Variants in STXBP4 observed in about 807,000 individuals in gnomAD.
STXBP4 encodes syntaxin-binding protein 4.
Under a neutral mutation model 76.1 loss-of-function variants are expected in STXBP4, and 55 were observed. That is an observed-to-expected ratio of 0.72 (90% CI 0.58 to 0.91). The LOEUF is 0.91. Among genes scored for constraint, STXBP4 ranks in the 40% least tolerant of loss-of-function variants. STXBP4 has a pLI of 0.00. For synonymous variants in STXBP4, 201 were observed against 220.2 expected, an observed-to-expected ratio of 0.91 and a Z score of 0.77; for missense variants, 618 against 636.9, an observed-to-expected ratio of 0.97 and a Z score of 0.32.
At chr17:54,998,330 A>G (rs1268066630) in intron 4 of STXBP4, among the ~76,000 whole-genome samples, 2 of 152,232 alleles carry the variant, frequency 1.3e-5, no homozygotes, top group African/African-American at 4.8e-5. Flanking sequence ...AGTTATAAAA[A>G]TAATGGTTTC....
At chr17:54,985,322 G>A (rs2077611379) in intron 1 of STXBP4, among the ~76,000 whole-genome samples, 1 of 152,048 alleles carries the variant, frequency 6.6e-6, no homozygotes, top group Non-Finnish European at 1.5e-5. Context: ...TTCTAGTTAG[G>A]AGAAGAAAAA....
chr17:55,203,413 T>TA, the STXBP4 span, among the ~76,000 whole-genome samples: 4 of 151,982 alleles, frequency 2.6e-5, no homozygotes, highest in Non-Finnish European at 4.4e-5. Flanking sequence ...GATGTCATTT[T>TA]AAAAAAACGA....
chr17:55,179,810 G>A, the STXBP4 span, among the ~76,000 whole-genome samples: 1 of 152,222 alleles, frequency 6.6e-6, no homozygotes, highest in East Asian at 1.9e-4. Context: ...TACAAAATAT[G>A]TGTTAATCAA....
chr17:55,196,547 C>A, the STXBP4 span, among the ~76,000 whole-genome samples: 1 of 152,122 alleles, frequency 6.6e-6, no homozygotes, highest in East Asian at 1.9e-4. Context: ...GAGAATTGAT[C>A]ACGTATTCTT....
the STXBP4 span, among the ~76,000 whole-genome samples, chr17:55,206,034 A>T: frequency 6.6e-6 from 1 of 152,116 alleles, no homozygotes; most frequent in African/African-American, 2.4e-5. Flanking sequence ...TAAAATGCAT[A>T]AGGCAGGTCT....
the STXBP4 span, among the ~76,000 whole-genome samples, chr17:55,191,489 A>G: frequency 6.6e-6 from 1 of 152,112 alleles, no homozygotes; most frequent in Non-Finnish European, 1.5e-5. Context: ...TCAAAATACC[A>G]AATAGTGGTC....
At position 55,073,006 on chromosome 17, in the gene STXBP4, T is replaced by C; in HGVS notation, c.1118T>C (p.Val373Ala). ...AHGMEMDYEE[V>A]IRLLEAKITE... ...GGAATGGAAATGGACTATGAAGAAGTGATCCGTCTGTTAGAGGCCAAGATT... is the reference window on the plus strand; with the variant it reads ...GGAATGGAAATGGACTATGAAGAAGCGATCCGTCTGTTAGAGGCCAAGATT... Residue 373 changes from valine to alanine, a missense_variant, in exon 13 of 18, where the codon GTG becomes GCG. Transcript: ENST00000376352. 1 of 1,613,976 alleles carries C rather than the reference T, an allele frequency of 6.2e-7. No individual in the cohort carries two copies. The highest frequency in any genetic ancestry group is 8.5e-7 in the Non-Finnish European group (1 of 1,179,896).
chr17:55,014,340 G>GC, intron 8 of STXBP4, among the ~76,000 whole-genome samples: 1 of 152,146 alleles, frequency 6.6e-6, no homozygotes, highest in Non-Finnish European at 1.5e-5. Flanking sequence ...GTGTGTAATG[G>GC]CCCCTGCTTT....
chr17:55,150,827 C>G (rs997946128), intron 17 of STXBP4, among the ~76,000 whole-genome samples: 1 of 152,114 alleles, frequency 6.6e-6, no homozygotes, highest in African/African-American at 2.4e-5. Flanking sequence ...TGTGAATATA[C>G]TAGGTCACAT....
chr17:55,064,282 T>A (rs555295837), intron 12 of STXBP4, among the ~76,000 whole-genome samples: 1 of 152,302 alleles, frequency 6.6e-6, no homozygotes, highest in East Asian at 1.9e-4. Flanking sequence ...GATTTCCTGA[T>A]GTGGTTGCTA....
chr17:55,019,320 T>G (rs1223189735), intron 8 of STXBP4, among the ~76,000 whole-genome samples: 6 of 152,196 alleles, frequency 3.9e-5, no homozygotes, highest in Non-Finnish European at 7.4e-5. Flanking sequence ...GAAAATTATG[T>G]CTTCTCTTGC....
chr17:54,972,545 G>A (rs1156688178), intron 1 of STXBP4, among the ~76,000 whole-genome samples: 1 of 152,084 alleles, frequency 6.6e-6, no homozygotes, highest in African/African-American at 2.4e-5. Context: ...CTTAGACTTA[G>A]CCAATAGAAG....
intron 16 of STXBP4, among the ~76,000 whole-genome samples, chr17:55,123,871 A>G (rs2079874875): frequency 6.6e-6 from 1 of 152,014 alleles, no homozygotes; most frequent in South Asian, 2.1e-4. Context: ...CGGCACTCCA[A>G]CCTGGCGACA....
At chr17:55,069,539 T>C (rs1004828518) in intron 12 of STXBP4, among the ~76,000 whole-genome samples, 1 of 152,194 alleles carries the variant, frequency 6.6e-6, no homozygotes, top group Non-Finnish European at 1.5e-5. Flanking sequence ...GCTGTTATCT[T>C]TTCTTTACTG....
the STXBP4 span, among the ~76,000 whole-genome samples, chr17:55,189,423 A>C: frequency 6.6e-6 from 1 of 152,200 alleles, no homozygotes; most frequent in Non-Finnish European, 1.5e-5. Context: ...TGAAAATCCA[A>C]ATGCATTTGC....
At chr17:55,050,128 A>G (rs995295630) in intron 12 of STXBP4, among the ~76,000 whole-genome samples, 36 of 152,086 alleles carry the variant, frequency 2.4e-4, no homozygotes, top group African/African-American at 8.2e-4. Flanking sequence ...TTTTTTGCAG[A>G]TGATATGGTA....
intron 12 of STXBP4, among the ~76,000 whole-genome samples, chr17:55,056,957 TG>T (rs2078931226): frequency 6.6e-6 from 1 of 152,232 alleles, no homozygotes; most frequent in Non-Finnish European, 1.5e-5. Flanking sequence ...AGCCAATTTA[TG>T]TAACACTATC....
intron 16 of STXBP4, among the ~76,000 whole-genome samples, chr17:55,088,160 G>GAAAA (rs2079362941): frequency 1.3e-5 from 2 of 152,152 alleles, no homozygotes; most frequent in Non-Finnish European, 2.9e-5. Context: ...TCTTTAAGCA[G>GAAAA]CAGCTTTTTC....
At position 55,159,987 on chromosome 17, in the gene STXBP4, G is replaced by A; in HGVS notation, c.*76G>A. ...TAACATCCAATTCTGAGATGAAACA[G>A]TCTAAAATAGGAGTAAAGCATGCAC... On this transcript the variant is annotated 3_prime_UTR_variant, in exon 18 of 18. Coordinates refer to ENST00000376352, the MANE Select transcript of STXBP4 (RefSeq NM_178509.6). 1.1e-6 allele frequency: 1 copy of A among 881,510 alleles called. No homozygotes were observed. The allele number at this position is 881,510 out of a possible 1,614,324, so 54.6% of individuals were successfully genotyped here. A position where few individuals can be genotyped will look rare whatever the true frequency, so the allele number is the denominator to read the frequency against.
Sources: allele counts gnomAD v4.1 joint callset (sites outside exome capture counted in the v4.1 genomes callset), GRCh38; gene constraint gnomAD v4.1.1; transcripts MANE v1.5; gene names NCBI Gene and HGNC (gene_info 2026-07-23, HGNC 2026-07-21).